The following FRMD3 variants were observed in gnomAD, a reference collection of about 807,000 sequenced individuals.
The protein encoded by FRMD3 is FERM domain containing 3.
A neutral mutation model predicts 70.2 loss-of-function variants in FRMD3; 33 were observed. The ratio of observed to expected loss-of-function variants is 0.47; its 90% CI spans 0.36 to 0.63. The LOEUF (loss-of-function observed/expected upper bound fraction) is 0.63, where lower values mean the gene tolerates loss of function less well. Among genes scored for constraint, FRMD3 ranks in the 20% least tolerant of loss-of-function variants. The pLI, the probability that FRMD3 is intolerant of heterozygous loss-of-function variation, is 0.00. For synonymous variants in FRMD3, 279 were observed against 255.9 expected, an observed-to-expected ratio of 1.09 and a Z score of -0.86; for missense variants, 632 against 711.4, an observed-to-expected ratio of 0.89 and a Z score of 1.27.
At chr9:83,353,512 C>T (rs1824233586) in intron 3 of FRMD3, among the ~76,000 whole-genome samples, 1 of 152,158 alleles carries the variant, frequency 6.6e-6, no homozygotes, top group East Asian at 1.9e-4. Flanking sequence ...ATCCCCAGAG[C>T]TGATTATTGA....
intron 6 of FRMD3, among the ~76,000 whole-genome samples, chr9:83,330,004 G>A (rs1402041036): frequency 6.6e-6 from 1 of 152,142 alleles, no homozygotes; most frequent in Non-Finnish European, 1.5e-5. Context: ...AACGGAATGG[G>A]TATTTCCTCT....
At chr9:83,499,635 CG>C (rs1829018602) in intron 1 of FRMD3, among the ~76,000 whole-genome samples, 1 of 152,140 alleles carries the variant, frequency 6.6e-6, no homozygotes, top group Non-Finnish European at 1.5e-5. Context: ...AGAATGCTGA[CG>C]CCACCAAATT....
At chr9:83,346,362 A>G (rs1054654118) in intron 4 of FRMD3, among the ~76,000 whole-genome samples, 2 of 152,182 alleles carry the variant, frequency 1.3e-5, no homozygotes, top group Admixed American at 6.5e-5. Context: ...TCATCCAACC[A>G]TAACAAAAAT....
intron 1 of FRMD3, among the ~76,000 whole-genome samples, chr9:83,507,662 TC>T (rs1175091702): frequency 1.7e-5 from 2 of 121,210 alleles, no homozygotes; most frequent in African/African-American, 6.0e-5. Flanking sequence ...ACAGCGAAAC[TC>T]CGTCTCAAAC....
At chr9:83,549,753 C>G in the FRMD3 span, among the ~76,000 whole-genome samples, 1 of 151,984 alleles carries the variant, frequency 6.6e-6, no homozygotes, top group Admixed American at 6.6e-5. Context: ...TGTCTTCTTT[C>G]AAGAAGTGTC....
chr9:83,288,685 A>AT (rs1318478482), intron 13 of FRMD3, among the ~76,000 whole-genome samples: 2 of 152,256 alleles, frequency 1.3e-5, no homozygotes, highest in Non-Finnish European at 2.9e-5. Flanking sequence ...ATGCATTCCT[A>AT]TCCTGTCATG....
At chr9:83,547,425 C>A in the FRMD3 span, among the ~76,000 whole-genome samples, 5 of 150,992 alleles carry the variant, frequency 3.3e-5, no homozygotes, top group African/African-American at 1.2e-4. Flanking sequence ...TTAAAGTTGT[C>A]TTCTTTTACT....
the FRMD3 span, among the ~76,000 whole-genome samples, chr9:83,547,909 T>G: frequency 1.3e-5 from 2 of 152,208 alleles, no homozygotes; most frequent in Non-Finnish European, 2.9e-5. Flanking sequence ...TACAGTGGAA[T>G]AAAACTAGAA....
chr9:83,572,318 C>A, the FRMD3 span, among the ~76,000 whole-genome samples: 1 of 152,042 alleles, frequency 6.6e-6, no homozygotes, highest in Non-Finnish European at 1.5e-5. Flanking sequence ...AATCCTTGAG[C>A]TGGTGAGAGG....
At chr9:83,411,190 C>T (rs1826268445) in intron 1 of FRMD3, among the ~76,000 whole-genome samples, 1 of 152,214 alleles carries the variant, frequency 6.6e-6, no homozygotes, top group Non-Finnish European at 1.5e-5. Flanking sequence ...CCAGGCATTT[C>T]ATAAAGTCAT....
intron 4 of FRMD3, among the ~76,000 whole-genome samples, chr9:83,349,161 G>A (rs1309460752): frequency 6.6e-6 from 1 of 152,186 alleles, no homozygotes; most frequent in African/African-American, 2.4e-5. Flanking sequence ...CCAACAGAGG[G>A]AGGTGAGAAG....
chr9:83,545,346 G>GTTTTTT, the FRMD3 span, among the ~76,000 whole-genome samples: 2 of 117,298 alleles, frequency 1.7e-5, no homozygotes, highest in East Asian at 2.5e-4. Flanking sequence ...GAAAAGTGTT[G>GTTTTTT]TTTTTTTTTG....
chr9:83,391,724 G>T (rs557953585), intron 1 of FRMD3, among the ~76,000 whole-genome samples: 1 of 152,252 alleles, frequency 6.6e-6, no homozygotes, highest in African/African-American at 2.4e-5. Context: ...TGCAGACAAC[G>T]CAGTGATTAG....
At chr9:83,329,362 C>T (rs1836152829) in intron 6 of FRMD3, among the ~76,000 whole-genome samples, 1 of 152,142 alleles carries the variant, frequency 6.6e-6, no homozygotes, top group South Asian at 2.1e-4. Context: ...GAAAACTCAT[C>T]TTAAGAAAGA....
intron 13 of FRMD3, among the ~76,000 whole-genome samples, chr9:83,265,592 TAGGC>T (rs1456487389): frequency 6.6e-6 from 1 of 152,052 alleles, no homozygotes; most frequent in African/African-American, 2.4e-5. Context: ...AGTAAACAAA[TAGGC>T]AGTTCTGCAA....
intron 5 of FRMD3, among the ~76,000 whole-genome samples, chr9:83,341,454 A>T (rs1051633326): frequency 5.3e-5 from 8 of 152,064 alleles, no homozygotes; most frequent in African/African-American, 1.9e-4. Context: ...TAATTCACTA[A>T]TGCCTAAATG....
intron 1 of FRMD3, among the ~76,000 whole-genome samples, chr9:83,463,811 T>C (rs914160531): frequency 6.6e-6 from 1 of 152,178 alleles, no homozygotes. Flanking sequence ...CATAAAGAAA[T>C]TGGGCCCTTG....
chr9:83,343,056 C>G (rs1823827132), intron 5 of FRMD3, 134 bp downstream of exon 5: 1 of 690,038 alleles, frequency 1.4e-6, no homozygotes, highest in African/African-American at 1.8e-5. Context: ...GGTTCTGTTG[C>G]TACGTACCCA....
intron 10 of FRMD3, among the ~76,000 whole-genome samples, chr9:83,300,668 T>C (rs1834878848): frequency 6.6e-6 from 1 of 152,180 alleles, no homozygotes; most frequent in Non-Finnish European, 1.5e-5. Context: ...TGAAAACCAT[T>C]TGTACCCCAA....
Sources: allele counts gnomAD v4.1 joint callset (sites outside exome capture counted in the v4.1 genomes callset), GRCh38; gene constraint gnomAD v4.1.1; transcripts MANE v1.5; gene names NCBI Gene and HGNC (gene_info 2026-07-23, HGNC 2026-07-21).